CNTN6: variants seen among roughly 807,000 people sequenced by gnomAD.
CNTN6 encodes the protein contactin-6.
Under a neutral mutation model 122.8 loss-of-function variants are expected in CNTN6, and 137 were observed. That is an observed-to-expected ratio of 1.12 (90% CI 0.97 to 1.29). CNTN6 has a LOEUF of 1.29. Among genes scored for constraint, CNTN6 ranks in the 50% most tolerant of loss-of-function variants. The pLI is 0.00. For missense variants in CNTN6, 1,634 were observed against 1,223.4 expected, an observed-to-expected ratio of 1.34 and a Z score of -5.01; for synonymous variants, 570 against 426.0, an observed-to-expected ratio of 1.34 and a Z score of -4.16.
intron 1 of CNTN6, among the ~76,000 whole-genome samples, chr3:1,140,811 A>G (rs2092591379): frequency 1.3e-5 from 2 of 152,198 alleles, no homozygotes; most frequent in African/African-American, 4.8e-5. Flanking sequence ...CCTCTAGGAA[A>G]AGCAGTACTG....
At chr3:1,312,498 G>A (rs1399829102) in intron 7 of CNTN6, among the ~76,000 whole-genome samples, 2 of 151,146 alleles carry the variant, frequency 1.3e-5, no homozygotes, top group Admixed American at 1.3e-4. Flanking sequence ...TAAGTTGTTT[G>A]TTTCCTATTT....
intron 7 of CNTN6, among the ~76,000 whole-genome samples, chr3:1,306,948 A>C (rs1408595685): frequency 6.6e-6 from 1 of 152,208 alleles, no homozygotes; most frequent in Non-Finnish European, 1.5e-5. Context: ...TGACAAATTG[A>C]GCACAAATTA....
chr3:1,197,768 C>T (rs2093799324), intron 2 of CNTN6, among the ~76,000 whole-genome samples: 1 of 152,084 alleles, frequency 6.6e-6, no homozygotes, highest in South Asian at 2.1e-4. Context: ...CCTACAGGGA[C>T]ATCAAAAGGA....
At position 1,280,092 on chromosome 3, in the gene CNTN6, C is replaced by T. The variant is rs1693104594; in HGVS notation, c.454+1584C>T. Reference sequence around the variant, plus strand: ...AATGGTATCAGTTTGTCCTGTCAGTCTATGTCATTTTATGCTCTTACGATG... The same window carrying T: ...AATGGTATCAGTTTGTCCTGTCAGTTTATGTCATTTTATGCTCTTACGATG... On this transcript the variant is annotated intron_variant, in intron 5 of 22. Transcript: ENST00000446702. 5.3e-5 allele frequency among the ~76,000 whole-genome samples: 8 copies of T among 152,240 alleles called. No individual in the cohort carries two copies. In the South Asian group the frequency reaches 1.7e-3, roughly 32 times the overall value.
chr3:1,104,197 C>T (rs1246775164), intron 1 of CNTN6, among the ~76,000 whole-genome samples: 1 of 152,008 alleles, frequency 6.6e-6, no homozygotes, highest in South Asian at 2.1e-4. Context: ...TGTTAATTTT[C>T]GGTCTCACCT....
intron 4 of CNTN6, among the ~76,000 whole-genome samples, chr3:1,256,540 C>G (rs1190993123): frequency 2.0e-5 from 3 of 152,120 alleles, no homozygotes; most frequent in Non-Finnish European, 4.4e-5. Context: ...ATATAAGGGT[C>G]TGGATTGCCA....
At chr3:1,189,247 A>G (rs1399719428) in intron 2 of CNTN6, among the ~76,000 whole-genome samples, 1 of 152,166 alleles carries the variant, frequency 6.6e-6, no homozygotes, top group Non-Finnish European at 1.5e-5. Flanking sequence ...CACTCCTACA[A>G]TGTTTTTGAA....
chr3:1,335,906 C>CA (rs1399505868), intron 11 of CNTN6, among the ~76,000 whole-genome samples: 1 of 151,938 alleles, frequency 6.6e-6, no homozygotes, highest in African/African-American at 2.4e-5. Flanking sequence ...CATGGTGGCA[C>CA]ACCCCTGTGG....
chr3:1,259,311 C>G (rs1272756003), intron 4 of CNTN6, among the ~76,000 whole-genome samples: 1 of 152,058 alleles, frequency 6.6e-6, no homozygotes, highest in South Asian at 2.1e-4. Flanking sequence ...AACTCAGGCT[C>G]ACTCTAGGGC....
chr3:1,255,780 G>A (rs947179408), intron 4 of CNTN6, among the ~76,000 whole-genome samples: 10 of 151,954 alleles, frequency 6.6e-5, no homozygotes, highest in African/African-American at 1.7e-4. Context: ...TCAAGCAATC[G>A]TTTTGCTTCA....
rs769615424 is a variant in CNTN6, at chr3:1,295,708, C to G, written c.562C>G (p.Pro188Ala). The G allele has an allele frequency of 1.9e-6, 3 of 1,614,052 alleles. No individual in the cohort carries two copies. The highest frequency in any genetic ancestry group is 1.3e-5 in the African/African-American group (1 of 75,038). ...AAACTTGTACATTGCCAAAGTGGAA[C>G]CATCAGATGTGGGCAACTACACTTG... ...TGNLYIAKVEPSDVGNYTCFI... is the reference protein window; with the variant it reads ...TGNLYIAKVEASDVGNYTCFI... Residue 188 changes from proline to alanine, a missense_variant, in exon 6 of 23, where the codon CCA becomes GCA. Transcript: ENST00000446702.
chr3:1,193,005 C>T lies in CNTN6; in HGVS notation c.56-27682C>T, dbSNP rs115964830. On this transcript the variant is annotated intron_variant, in intron 2 of 22. Transcript: ENST00000446702. Reference sequence around the variant, plus strand: ...ATTACTAAAGAAACGTAGCCCACTCCTTCTCACTCTTTTGCAGTTTTGTAT... The same window carrying T: ...ATTACTAAAGAAACGTAGCCCACTCTTTCTCACTCTTTTGCAGTTTTGTAT... Among the ~76,000 whole-genome samples, 596 of 152,242 alleles carry T rather than the reference C, an allele frequency of 3.9e-3. 1 individual carries two copies. The highest frequency in any genetic ancestry group is 0.014 in the African/African-American group (574 of 41,564).
intron 1 of CNTN6, among the ~76,000 whole-genome samples, chr3:1,118,967 G>A (rs1009651776): frequency 6.6e-6 from 1 of 152,012 alleles, no homozygotes; most frequent in African/African-American, 2.4e-5. Context: ...AGGTGAGAAC[G>A]GTGAGTGGCT....
At position 1,321,740 on chromosome 3, in the gene CNTN6, C is replaced by G. The variant is rs1700882147; in HGVS notation, c.852C>G (p.Ile284Met). Residue 284 changes from isoleucine (I) to methionine (M), a missense_variant, in exon 8 of 23, where the codon ATC (isoleucine) becomes ATG (methionine). Transcript: ENST00000446702. ...KYSKSQAILEIPNFQQEDEGF... is the reference protein window; with the variant it reads ...KYSKSQAILEMPNFQQEDEGF... ...GCAAATCCCAAGCTATCCTTGAAATCCCGAACTTCCAACAAGAAGATGAAG... is the reference window on the plus strand; with the variant it reads ...GCAAATCCCAAGCTATCCTTGAAATGCCGAACTTCCAACAAGAAGATGAAG... 1.9e-6 allele frequency: 3 copies of G among 1,611,758 alleles called. No individual in the cohort carries two copies. Among genetic ancestry groups the G allele is most frequent in the South Asian group, 2.2e-5 (2 of 91,018 alleles).
chr3:1,402,624 G>A (rs1466664404), intron 22 of CNTN6, 138 bp downstream of exon 22: 4 of 661,484 alleles, frequency 6.0e-6, no homozygotes, highest in Non-Finnish European at 9.8e-6. Flanking sequence ...AAAAGGTGAT[G>A]AGCCATTTTT....
intron 5 of CNTN6, among the ~76,000 whole-genome samples, chr3:1,284,796 C>T (rs1007722981): frequency 2.0e-5 from 3 of 152,142 alleles, no homozygotes; most frequent in African/African-American, 4.8e-5. Context: ...GAGTGAGACA[C>T]ATTAAGTAAA....
intron 2 of CNTN6, among the ~76,000 whole-genome samples, chr3:1,214,370 G>T (rs1222922318): frequency 7.3e-6 from 1 of 136,994 alleles, no homozygotes; most frequent in Non-Finnish European, 1.5e-5. Flanking sequence ...GTGCAATGGC[G>T]TAATCTCAGC....
intron 2 of CNTN6, among the ~76,000 whole-genome samples, chr3:1,186,319 C>T (rs891722884): frequency 2.0e-5 from 3 of 152,020 alleles, no homozygotes; most frequent in South Asian, 2.1e-4. Context: ...TATCTTCAGA[C>T]GTTATCGTCA....
chr3:1,356,466 G>A (rs1218333346), intron 12 of CNTN6, among the ~76,000 whole-genome samples: 3 of 151,660 alleles, frequency 2.0e-5, no homozygotes, highest in African/African-American at 2.4e-5. Flanking sequence ...AGAATGATAC[G>A]GGTCTAAGTT....
Sources: allele counts gnomAD v4.1 joint callset (sites outside exome capture counted in the v4.1 genomes callset), GRCh38; gene constraint gnomAD v4.1.1; transcripts MANE v1.5; gene names NCBI Gene and HGNC (gene_info 2026-07-23, HGNC 2026-07-21).